The following ADCY1 variants were observed in gnomAD, a reference collection of about 807,000 sequenced individuals.
ADCY1 encodes adenylate cyclase 1.
Under a neutral mutation model 105.4 loss-of-function variants are expected in ADCY1, and 28 were observed. That is an observed-to-expected ratio of 0.27 (90% CI 0.20 to 0.36). ADCY1 has a LOEUF of 0.36. Among genes scored for constraint, ADCY1 ranks in the 10% least tolerant of loss-of-function variants. The pLI is 1.00. For missense variants in ADCY1, 977 were observed against 1,434.2 expected (o/e 0.68, Z 5.15); for synonymous variants, 655 against 623.8 (o/e 1.05, Z -0.75).
intron 14 of ADCY1, among the ~76,000 whole-genome samples, chr7:45,696,087 T>C (rs2471222): frequency 0.58 from 87,885 of 152,068 alleles, 26,356 homozygotes; most frequent in East Asian, 0.79. Context: ...CCCTAGGACA[T>C]CTTTCTGTCA....
intron 4 of ADCY1, among the ~76,000 whole-genome samples, chr7:45,636,601 C>T (rs142232035): frequency 0.019 from 2,935 of 152,236 alleles, 83 homozygotes; most frequent in South Asian, 0.13. Flanking sequence ...AGTGCAGTGG[C>T]GCAATCTTGG....
chr7:45,616,380 G>A (rs1793737837), intron 3 of ADCY1, among the ~76,000 whole-genome samples: 3 of 152,084 alleles, frequency 2.0e-5, no homozygotes, highest in African/African-American at 7.2e-5. Context: ...GAAATTATGG[G>A]CAAATATCCC....
At chr7:45,651,709 G>A (rs751468602) in intron 5 of ADCY1, among the ~76,000 whole-genome samples, 24 of 152,112 alleles carry the variant, frequency 1.6e-4, no homozygotes, top group Non-Finnish European at 3.1e-4. Context: ...CCAAAGGAGC[G>A]GGCCATGCCC....
At chr7:45,688,363 TTGTC>T (rs1390850948) in intron 14 of ADCY1, among the ~76,000 whole-genome samples, 1 of 152,222 alleles carries the variant, frequency 6.6e-6, no homozygotes. Context: ...GAGCAGCCCT[TTGTC>T]TGGCAGCCTG....
chr7:45,610,738 G>GAA (rs1793520308), intron 3 of ADCY1, among the ~76,000 whole-genome samples: 2 of 150,866 alleles, frequency 1.3e-5, no homozygotes, highest in African/African-American at 2.4e-5. Context: ...TAGTGGAGGT[G>GAA]GGGAGGTGAT....
intron 14 of ADCY1, among the ~76,000 whole-genome samples, chr7:45,695,486 T>A (rs1784862933): frequency 6.6e-6 from 1 of 151,940 alleles, no homozygotes; most frequent in Admixed American, 6.6e-5. Flanking sequence ...CCATCCAGAG[T>A]GGAATGGCAT....
In ADCY1 at chr7:45,710,680, A is replaced by T; in HGVS notation, c.3057+28A>T. ...CAGTTCACCAAGAAACCCCTAAGGC[A>T]TGGGTGCCCATTCTTCAGGTGAGGA... On this transcript the variant is annotated intron_variant, in intron 19 of 19. Transcript: ENST00000297323. The surrounding 1 kb of genome is among the most constrained non-coding windows in gnomAD (Gnocchi z 4.7). The T allele has an allele frequency of 6.3e-7, 1 of 1,595,064 alleles. No individual in the cohort carries two copies.
At position 45,683,785 on chromosome 7, in the gene ADCY1, C is replaced by CT. The variant is rs902872572; in HGVS notation, c.1984-1193dup. Among the ~76,000 whole-genome samples, 81 of 152,296 alleles carry CT rather than the reference C, an allele frequency of 5.3e-4. 1 individual carries two copies. The highest frequency in any genetic ancestry group is 1.9e-3 in the African/African-American group (80 of 41,570). ...TGGCCCACAGGTAGGGGTTCAGGCT[C>CT]TACTCAGGCCCAGCGGCAGGCCAAG... On this transcript the variant is annotated intron_variant, in intron 11 of 19. Transcript: ENST00000297323.
chr7:45,615,120 T>C (rs1275900072), intron 3 of ADCY1, among the ~76,000 whole-genome samples: 1 of 152,220 alleles, frequency 6.6e-6, no homozygotes, highest in East Asian at 1.9e-4. Flanking sequence ...AAAGGTCATA[T>C]GTTAAGTCAC....
intron 14 of ADCY1, among the ~76,000 whole-genome samples, chr7:45,694,695 TCCTTTG>T (rs1385939257): frequency 2.0e-5 from 3 of 152,216 alleles, no homozygotes; most frequent in Non-Finnish European, 2.9e-5. Context: ...AGGATACAGA[TCCTTTG>T]GGTCTTGCTT....
At chr7:45,639,642 C>T (rs1354299824) in intron 4 of ADCY1, among the ~76,000 whole-genome samples, 2 of 152,256 alleles carry the variant, frequency 1.3e-5, no homozygotes, top group African/African-American at 2.4e-5. Context: ...CTTCTGGGAA[C>T]ATTTTTTTCC....
chr7:45,716,351 C>A lies in ADCY1; in HGVS notation c.*2356C>A. The stretch of plus-strand genomic sequence containing the variant: ...CCTCTCCTCCAGGCCCTGCCTTGTC[C>A]CTGCTCCTGTGCTTTCCTCTCTTCA... On this transcript the variant is annotated 3_prime_UTR_variant, in exon 20 of 20. Coordinates refer to ENST00000297323, the MANE Select transcript of ADCY1 (RefSeq NM_021116.4). 6.5e-6 allele frequency: 1 copy of A among 153,154 alleles called. No individual in the cohort carries two copies. The highest frequency in any genetic ancestry group is 1.5e-5 in the Non-Finnish European group (1 of 68,690). 9.5% of individuals were successfully genotyped at this position (153,154 alleles called of 1,614,324 possible).
intron 4 of ADCY1, among the ~76,000 whole-genome samples, chr7:45,631,132 TC>T (rs1794237588): frequency 6.6e-6 from 1 of 152,226 alleles, no homozygotes; most frequent in Admixed American, 6.5e-5. Context: ...AAAGCTGTGA[TC>T]AGTGGGGTCA....
intron 11 of ADCY1, among the ~76,000 whole-genome samples, chr7:45,680,857 T>G (rs969677606): frequency 1.3e-5 from 2 of 152,196 alleles, no homozygotes; most frequent in Non-Finnish European, 2.9e-5. Flanking sequence ...GCATTAGACA[T>G]GCAGAAAGTG....
At position 45,662,167 on chromosome 7, in the gene ADCY1, G is replaced by T; in HGVS notation, c.1558G>T (p.Ala520Ser). The T allele has an allele frequency of 6.2e-7, 1 of 1,614,012 alleles. No homozygotes were observed. The highest frequency in any genetic ancestry group is 8.5e-7 in the Non-Finnish European group (1 of 1,179,986). ...CATGCACTGCCGGAAAATGTTCAAG[G>T]CCGAGATCCCCTTCTCCAATGTCAT... ...QLMHCRKMFKAEIPFSNVMTC... is the reference protein window; with the variant it reads ...QLMHCRKMFKSEIPFSNVMTC... Residue 520 changes from alanine to serine, a missense_variant, in exon 8 of 20, where the codon GCC becomes TCC. Ala to Ser is a moderately conservative substitution (Grantham distance 99, BLOSUM62 1). This residue lies in a region of ADCY1 where 66 missense variants were observed against 127.2 expected (regional missense o/e 0.52). Coordinates refer to ENST00000297323, the MANE Select transcript of ADCY1 (RefSeq NM_021116.4).
chr7:45,684,896 T>A (rs780382518), intron 11 of ADCY1, 83 bp from the exon 12 acceptor site: 19 of 1,262,282 alleles, frequency 1.5e-5, no homozygotes, highest in Non-Finnish European at 2.2e-5. Context: ...CATCTGCACA[T>A]TCCACTATAG....
chr7:45,681,405 C>T (rs1411194906), intron 11 of ADCY1, among the ~76,000 whole-genome samples: 2 of 152,280 alleles, frequency 1.3e-5, no homozygotes, highest in Middle Eastern at 3.4e-3. Flanking sequence ...TCTGAATATT[C>T]ACTCTCCCTT....
intron 8 of ADCY1, among the ~76,000 whole-genome samples, chr7:45,675,582 A>G (rs545161889): frequency 1.1e-4 from 17 of 152,052 alleles, no homozygotes; most frequent in African/African-American, 3.6e-4. Flanking sequence ...TCCTTTATCT[A>G]AAAATATTAT....
At chr7:45,617,709 A>G (rs1793775708) in intron 3 of ADCY1, among the ~76,000 whole-genome samples, 1 of 152,248 alleles carries the variant, frequency 6.6e-6, no homozygotes, top group Non-Finnish European at 1.5e-5. Context: ...TAAAAACTAT[A>G]AAACAATGAT....
Sources: gnomAD v4.1 joint callset for allele counts (sites outside exome capture counted in the v4.1 genomes callset) on GRCh38, gnomAD v4.1.1 for gene constraint, gnomAD v4.1.1 regional missense constraint, Gnocchi (gnomAD v3.1) non-coding constraint, MANE v1.5 for transcripts, NCBI Gene and HGNC (gene_info 2026-07-23, HGNC 2026-07-21) for gene names.